Variants in SMIM10L3 observed in about 807,000 individuals in gnomAD.
The protein encoded by SMIM10L3 is salivary gland specific protein SAGSIN1.
chr7:6,330,455 T>G, the SMIM10L3 span: 3 of 1,614,150 alleles, frequency 1.9e-6, no homozygotes, highest in Non-Finnish European at 2.5e-6. Context: ...CCATCTGAGG[T>G]GCTTTTAAGC....
chr7:6,330,645 G>A, the SMIM10L3 span: 2 of 1,614,000 alleles, frequency 1.2e-6, no homozygotes, highest in Non-Finnish European at 1.7e-6. Flanking sequence ...CACTTGGTGG[G>A]TCATCCTGAA....
chr7:6,333,176 A>C, the SMIM10L3 span, among the ~76,000 whole-genome samples: 1 of 151,888 alleles, frequency 6.6e-6, no homozygotes, highest in Non-Finnish European at 1.5e-5. Flanking sequence ...ATCAAAAAAA[A>C]AAAAACAAAA....
At chr7:6,341,093 G>A in the SMIM10L3 span, among the ~76,000 whole-genome samples, 2 of 150,384 alleles carry the variant, frequency 1.3e-5, no homozygotes, top group African/African-American at 4.9e-5. Context: ...GCAGTGAGCT[G>A]AGATCGTGCC....
the SMIM10L3 span, among the ~76,000 whole-genome samples, chr7:6,347,507 CTG>C: frequency 6.8e-6 from 1 of 146,356 alleles, no homozygotes; most frequent in Non-Finnish European, 1.5e-5. Context: ...GAGTAAGACT[CTG>C]TCTCAGGGAA....
At chr7:6,338,557 T>C in the SMIM10L3 span, 1 of 152,178 alleles carries the variant, frequency 6.6e-6, no homozygotes, top group Non-Finnish European at 1.5e-5. Context: ...TGACAAAAGC[T>C]GAACACAAAG....
At chr7:6,331,099 C>G in the SMIM10L3 span, 11 of 1,613,404 alleles carry the variant, frequency 6.8e-6, no homozygotes, top group Non-Finnish European at 9.3e-6. Flanking sequence ...GTCACCTCCT[C>G]CGGCCTGCTG....
chr7:6,346,799 G>T, the SMIM10L3 span, among the ~76,000 whole-genome samples: 3 of 152,202 alleles, frequency 2.0e-5, no homozygotes, highest in African/African-American at 7.2e-5. Flanking sequence ...ACTTTGATAT[G>T]GCCAAACCGA....
the SMIM10L3 span, chr7:6,329,422 ATATT>A: frequency 2.0e-5 from 3 of 152,560 alleles, no homozygotes; most frequent in South Asian, 4.1e-4. Flanking sequence ...AAAATAAGAC[ATATT>A]TATTAAGCTA....
chr7:6,341,399 G>A, the SMIM10L3 span, among the ~76,000 whole-genome samples: 1,257 of 151,324 alleles, frequency 8.3e-3, 19 homozygotes, highest in African/African-American at 0.029. Flanking sequence ...CGGAGATCGC[G>A]CCACTGTACT....
chr7:6,332,968 G>T, the SMIM10L3 span, among the ~76,000 whole-genome samples: 2 of 152,020 alleles, frequency 1.3e-5, no homozygotes, highest in African/African-American at 2.4e-5. Flanking sequence ...AGACAAGCAT[G>T]GTCAACATGG....
chr7:6,337,127 A>G, the SMIM10L3 span, among the ~76,000 whole-genome samples: 2 of 150,438 alleles, frequency 1.3e-5, no homozygotes. Flanking sequence ...GCTGGAGTGC[A>G]GTGGCGCAAT....
the SMIM10L3 span, among the ~76,000 whole-genome samples, chr7:6,339,608 G>A: frequency 4.7e-5 from 7 of 149,726 alleles, no homozygotes; most frequent in East Asian, 6.0e-4. Flanking sequence ...CTCAGCCTCC[G>A]GAGTAGCTGG....
the SMIM10L3 span, among the ~76,000 whole-genome samples, chr7:6,335,228 AT>A: frequency 8.0e-4 from 117 of 145,648 alleles, no homozygotes; most frequent in Non-Finnish European, 9.4e-4. Flanking sequence ...ATGCCCAGCT[AT>A]TTTTTTTTTT....
At chr7:6,339,260 G>C in the SMIM10L3 span, among the ~76,000 whole-genome samples, 3 of 152,100 alleles carry the variant, frequency 2.0e-5, no homozygotes, top group African/African-American at 7.2e-5. Flanking sequence ...TTGAGCCTAG[G>C]AGCCGGAGAC....
the SMIM10L3 span, among the ~76,000 whole-genome samples, chr7:6,332,136 A>G: frequency 1.3e-5 from 2 of 151,622 alleles, no homozygotes; most frequent in Non-Finnish European, 2.9e-5. Flanking sequence ...AAAAATTGCG[A>G]AAAGGCTTTG....
chr7:6,330,395 T>C, the SMIM10L3 span: 1 of 1,613,144 alleles, frequency 6.2e-7, no homozygotes. Context: ...CATAATGTAT[T>C]TGCTAATTCA....
the SMIM10L3 span, chr7:6,338,735 C>CCTCA: frequency 2.6e-5 from 4 of 152,356 alleles, no homozygotes; most frequent in Non-Finnish European, 5.9e-5. Context: ...GTGCCTGTAC[C>CCTCA]CTCACCTTCC....
At chr7:6,336,099 G>GGA in the SMIM10L3 span, among the ~76,000 whole-genome samples, 1 of 151,480 alleles carries the variant, frequency 6.6e-6, no homozygotes, top group East Asian at 1.9e-4. Flanking sequence ...TTTGAACCTG[G>GGA]GAGGCGGAGG....
the SMIM10L3 span, chr7:6,348,720 C>T: frequency 7.2e-6 from 3 of 419,204 alleles, no homozygotes; most frequent in South Asian, 2.1e-4. Context: ...CGGCCGAGCG[C>T]GAGAGCCGGA....
Sources: allele counts gnomAD v4.1 joint callset (sites outside exome capture counted in the v4.1 genomes callset), GRCh38; gene constraint gnomAD v4.1.1; transcripts MANE v1.5; gene names NCBI Gene and HGNC (gene_info 2026-07-23, HGNC 2026-07-21).